Variants in LHFPL3 observed in about 807,000 individuals in gnomAD.
LHFPL3 encodes LHFPL tetraspan subfamily member 3 protein.
LHFPL3 carries 5 observed loss-of-function variants against 19.3 expected under a neutral mutation model. The ratio of observed to expected loss-of-function variants is 0.26; its 90% CI spans 0.14 to 0.54. LHFPL3 has a LOEUF of 0.54. Among genes scored for constraint, LHFPL3 ranks in the 20% least tolerant of loss-of-function variants. The pLI, the probability that LHFPL3 is intolerant of heterozygous loss-of-function variation, is 0.94. For synonymous variants in LHFPL3, 133 were observed against 126.2 expected, an observed-to-expected ratio of 1.05 and a Z score of -0.36; for missense variants, 249 against 307.4, an observed-to-expected ratio of 0.81 and a Z score of 1.42.
chr7:104,672,272 C>T (rs1792499822), intron 1 of LHFPL3, among the ~76,000 whole-genome samples: 1 of 151,970 alleles, frequency 6.6e-6, no homozygotes, highest in Non-Finnish European at 1.5e-5. Context: ...TAATATCAAC[C>T]CAGGATAAAT....
chr7:104,511,944 C>CTTTTTTTTTTT (rs58712044), intron 1 of LHFPL3, among the ~76,000 whole-genome samples: 1 of 111,986 alleles, frequency 8.9e-6, no homozygotes, highest in Admixed American at 1.0e-4. Flanking sequence ...CTTTCCTTTT[C>CTTTTTTTTTTT]TTTTTTTTTT....
At chr7:104,444,586 A>G (rs1792291438) in intron 1 of LHFPL3, among the ~76,000 whole-genome samples, 1 of 152,234 alleles carries the variant, frequency 6.6e-6, no homozygotes, top group Admixed American at 6.5e-5. Context: ...TATGATTTCC[A>G]AATTACAGTC....
intron 1 of LHFPL3, among the ~76,000 whole-genome samples, chr7:104,533,722 C>T (rs1794344253): frequency 6.6e-6 from 1 of 152,204 alleles, no homozygotes; most frequent in African/African-American, 2.4e-5. Flanking sequence ...TGCTCTTGTC[C>T]AACTGGTTCA....
intron 2 of LHFPL3, among the ~76,000 whole-genome samples, chr7:104,878,760 C>G (rs1472407492): frequency 6.6e-6 from 1 of 152,132 alleles, no homozygotes; most frequent in African/African-American, 2.4e-5. Flanking sequence ...AGGACCCTTG[C>G]ACCAAACAGC....
intron 1 of LHFPL3, among the ~76,000 whole-genome samples, chr7:104,366,659 C>T (rs1790500569): frequency 6.6e-6 from 1 of 152,164 alleles, no homozygotes; most frequent in South Asian, 2.1e-4. Flanking sequence ...CTGTGCCTCC[C>T]ACTTCTATAG....
chr7:104,515,922 T>C (rs977420628), intron 1 of LHFPL3, among the ~76,000 whole-genome samples: 2 of 152,080 alleles, frequency 1.3e-5, no homozygotes, highest in Non-Finnish European at 2.9e-5. Context: ...TCAAAACTGT[T>C]CCAACCTCTT....
intron 1 of LHFPL3, among the ~76,000 whole-genome samples, chr7:104,613,991 G>A (rs961593479): frequency 3.5e-4 from 54 of 152,264 alleles, no homozygotes; most frequent in African/African-American, 1.3e-3. Flanking sequence ...GATAGGGGCA[G>A]TGTCTTTTCT....
intron 1 of LHFPL3, among the ~76,000 whole-genome samples, chr7:104,731,982 C>A (rs1463863683): frequency 6.6e-6 from 1 of 152,124 alleles, no homozygotes; most frequent in Non-Finnish European, 1.5e-5. Context: ...TTGAGATAAT[C>A]ATGTGTTTTT....
At chr7:104,875,580 A>C (rs1791923010) in intron 2 of LHFPL3, among the ~76,000 whole-genome samples, 1 of 152,226 alleles carries the variant, frequency 6.6e-6, no homozygotes, top group African/African-American at 2.4e-5. Flanking sequence ...CAGGACCTTC[A>C]AAGTCTTAGA....
chr7:104,784,188 A>G (rs1358499231), intron 2 of LHFPL3, among the ~76,000 whole-genome samples: 4 of 152,240 alleles, frequency 2.6e-5, no homozygotes, highest in Non-Finnish European at 5.9e-5. Flanking sequence ...TTGTTGATTT[A>G]CAAAATACTC....
At chr7:104,891,245 A>G (rs1211046338) in intron 2 of LHFPL3, among the ~76,000 whole-genome samples, 1 of 152,074 alleles carries the variant, frequency 6.6e-6, no homozygotes, top group Non-Finnish European at 1.5e-5. Context: ...GCAGATTCAG[A>G]GAGACTCCCA....
intron 2 of LHFPL3, among the ~76,000 whole-genome samples, chr7:104,823,638 C>A (rs1351507833): frequency 2.0e-5 from 3 of 152,114 alleles, no homozygotes; most frequent in Non-Finnish European, 2.9e-5. Flanking sequence ...AAGCAAAACT[C>A]AGAAACATTA....
rs531802557 is a variant in LHFPL3, at chr7:104,493,612, G to A, written c.445+164388G>A. Among the ~76,000 whole-genome samples the A allele has an allele frequency of 5.3e-5, 8 of 152,078 alleles. No homozygotes were observed. In the South Asian group the frequency reaches 1.7e-3, roughly 32 times the overall value. ...TGATGGCCTCACTTTCCTAGTCTTGGAGTCAGTAGGATCAGCATTGACTCC... is the reference window on the plus strand; with the variant it reads ...TGATGGCCTCACTTTCCTAGTCTTGAAGTCAGTAGGATCAGCATTGACTCC... On this transcript the variant is annotated intron_variant, in intron 1 of 2. Coordinates refer to ENST00000424859, the MANE Select transcript of LHFPL3 (RefSeq NM_199000.3).
intron 2 of LHFPL3, among the ~76,000 whole-genome samples, chr7:104,780,669 G>A (rs1036444241): frequency 1.5e-4 from 23 of 152,070 alleles, no homozygotes; most frequent in Non-Finnish European, 2.5e-4. Context: ...TTTGACAGCT[G>A]GTCCACAGTC....
At position 104,554,675 on chromosome 7, in the gene LHFPL3, A is replaced by ATAGATAGATAGATAGT. The variant is rs71155505; in HGVS notation, c.446-181985_446-181984insTTAGATAGATAGATAG. The stretch of plus-strand genomic sequence containing the variant: ...GATAGATAGATAGATAGATAGATAG[A>ATAGATAGATAGATAGT]TAGATAGATAGATAGACAGACAGAT... On this transcript the variant is annotated intron_variant, in intron 1 of 2. Transcript: ENST00000424859. 7.8e-3 allele frequency among the ~76,000 whole-genome samples: 1,185 copies of ATAGATAGATAGATAGT among 151,280 alleles called. 8 individuals carry two copies. The highest frequency in any genetic ancestry group is 0.028 in the East Asian group (145 of 5,130).
At chr7:104,418,369 TA>T (rs988097927) in intron 1 of LHFPL3, among the ~76,000 whole-genome samples, 1 of 152,032 alleles carries the variant, frequency 6.6e-6, no homozygotes, top group Non-Finnish European at 1.5e-5. Context: ...CCCATCTCTA[TA>T]AAAATTTAAA....
intron 2 of LHFPL3, among the ~76,000 whole-genome samples, chr7:104,871,197 T>G (rs1330889170): frequency 6.6e-6 from 1 of 152,248 alleles, no homozygotes; most frequent in African/African-American, 2.4e-5. Context: ...CACCTAGGCT[T>G]TATGGTATAG....
At chr7:104,771,456 G>C (rs991399132) in intron 2 of LHFPL3, among the ~76,000 whole-genome samples, 17 of 152,040 alleles carry the variant, frequency 1.1e-4, no homozygotes, top group African/African-American at 4.1e-4. Flanking sequence ...CTTTTTACTG[G>C]AAAATGCTGC....
intron 1 of LHFPL3, among the ~76,000 whole-genome samples, chr7:104,512,996 G>A: frequency 6.6e-6 from 1 of 152,060 alleles, no homozygotes; most frequent in East Asian, 1.9e-4. Context: ...GACATCTATG[G>A]ATATAGTTCT....
Sources: allele counts gnomAD v4.1 joint callset (sites outside exome capture counted in the v4.1 genomes callset), GRCh38; gene constraint gnomAD v4.1.1; transcripts MANE v1.5; gene names NCBI Gene and HGNC (gene_info 2026-07-23, HGNC 2026-07-21).